Variants in DLGAP2 observed in about 807,000 individuals in gnomAD.
DLGAP2 encodes DLG associated protein 2, also known as disks large-associated protein 2.
A neutral mutation model predicts 100.3 loss-of-function variants in DLGAP2; 26 were observed. The ratio of observed to expected loss-of-function variants is 0.26; its 90% CI spans 0.19 to 0.36. The LOEUF is 0.36. Ranked by LOEUF, DLGAP2 falls within the 10% of genes least tolerant of loss-of-function variation. The pLI is 1.00. For synonymous variants in DLGAP2, 886 were observed against 630.1 expected, an observed-to-expected ratio of 1.41 and a Z score of -6.08; for missense variants, 1,858 against 1,453.2, an observed-to-expected ratio of 1.28 and a Z score of -4.53.
intron 3 of DLGAP2, among the ~76,000 whole-genome samples, chr8:1,485,245 A>G (rs1584946790): frequency 6.6e-6 from 1 of 152,090 alleles, no homozygotes; most frequent in African/African-American, 2.4e-5. Context: ...TATAATTTTG[A>G]TTAGGTTGAT....
chr8:1,213,059 C>T (rs557561666), intron 2 of DLGAP2, among the ~76,000 whole-genome samples: 6 of 152,094 alleles, frequency 3.9e-5, no homozygotes, highest in Non-Finnish European at 8.8e-5. Flanking sequence ...GGCCACAGAA[C>T]GGTGAGTATC....
intron 1 of DLGAP2, among the ~76,000 whole-genome samples, chr8:791,834 C>T (rs529650714): frequency 3.3e-5 from 5 of 152,324 alleles, no homozygotes; most frequent in East Asian, 1.9e-4. Flanking sequence ...CACGCACGCT[C>T]GCTCTCCTGT....
At chr8:975,607 T>G (rs1452915058) in intron 2 of DLGAP2, among the ~76,000 whole-genome samples, 1 of 152,204 alleles carries the variant, frequency 6.6e-6, no homozygotes, top group African/African-American at 2.4e-5. Flanking sequence ...AAAATTGTAA[T>G]CATTCACAGG....
intron 2 of DLGAP2, among the ~76,000 whole-genome samples, chr8:1,084,940 T>G (rs1219483770): frequency 6.6e-6 from 1 of 152,220 alleles, no homozygotes; most frequent in Non-Finnish European, 1.5e-5. Flanking sequence ...TGAGACACCT[T>G]CGTACTGTTC....
chr8:1,211,350 C>A (rs1563256349), intron 2 of DLGAP2, among the ~76,000 whole-genome samples: 2 of 152,192 alleles, frequency 1.3e-5, no homozygotes, highest in Non-Finnish European at 2.9e-5. Context: ...ACACCACCAG[C>A]CAACGATCTT....
chr8:1,694,612 A>G (rs983478631), intron 13 of DLGAP2, among the ~76,000 whole-genome samples: 1 of 152,116 alleles, frequency 6.6e-6, no homozygotes, highest in Non-Finnish European at 1.5e-5. Flanking sequence ...ACTTAGTCTC[A>G]TTCACACCCA....
chr8:828,485 T>C (rs954783973), intron 1 of DLGAP2, among the ~76,000 whole-genome samples: 6 of 152,196 alleles, frequency 3.9e-5, no homozygotes, highest in Non-Finnish European at 8.8e-5. Flanking sequence ...GAGTTTAAGG[T>C]TATCTCTCTT....
At chr8:1,054,444 C>G (rs1802818049) in intron 2 of DLGAP2, among the ~76,000 whole-genome samples, 1 of 152,158 alleles carries the variant, frequency 6.6e-6, no homozygotes, top group South Asian at 2.1e-4. Context: ...TACACTTCGG[C>G]TTTGTAGACG....
At chr8:1,425,105 C>A (rs1394022728) in intron 3 of DLGAP2, among the ~76,000 whole-genome samples, 1 of 152,114 alleles carries the variant, frequency 6.6e-6, no homozygotes, top group Non-Finnish European at 1.5e-5. Context: ...ATTTTGCCAA[C>A]TAAGGTAGTT....
chr8:1,282,134 CCTG>C (rs1365775122), intron 3 of DLGAP2, among the ~76,000 whole-genome samples: 1 of 149,118 alleles, frequency 6.7e-6, no homozygotes, highest in African/African-American at 2.5e-5. Flanking sequence ...CATGGTGTGA[CCTG>C]AACCCAGCGC....
At chr8:857,129 C>T (rs959045662) in intron 1 of DLGAP2, among the ~76,000 whole-genome samples, 1 of 152,212 alleles carries the variant, frequency 6.6e-6, no homozygotes, top group African/African-American at 2.4e-5. Context: ...AGAGGATGCT[C>T]TTATCAACAG....
intron 3 of DLGAP2, among the ~76,000 whole-genome samples, chr8:1,461,218 G>A (rs1364223866): frequency 7.8e-6 from 1 of 128,140 alleles, no homozygotes; most frequent in African/African-American, 2.9e-5. Context: ...TCGGTGGCCA[G>A]GAGGAGGGAG....
intron 2 of DLGAP2, among the ~76,000 whole-genome samples, chr8:1,224,838 A>T (rs1467625684): frequency 1.3e-5 from 2 of 152,260 alleles, no homozygotes; most frequent in East Asian, 3.8e-4. Flanking sequence ...TAAGATGCTT[A>T]AAACTATGAG....
chr8:1,641,325 GTGTAGCCTGCT>G, intron 8 of DLGAP2, among the ~76,000 whole-genome samples: 1 of 152,264 alleles, frequency 6.6e-6, no homozygotes, highest in South Asian at 2.1e-4. Flanking sequence ...TTCCCCAAGT[GTGTAGCCTGCT>G]CTTCCCTTCA....
intron 2 of DLGAP2, among the ~76,000 whole-genome samples, chr8:1,040,973 C>G (rs1425407101): frequency 6.6e-6 from 1 of 152,036 alleles, no homozygotes; most frequent in African/African-American, 2.4e-5. Context: ...CAGGGTGTTT[C>G]CAGAAACAAC....
chr8:788,309 A>G (rs536872431), intron 1 of DLGAP2, among the ~76,000 whole-genome samples: 11 of 152,342 alleles, frequency 7.2e-5, no homozygotes, highest in Admixed American at 5.2e-4. Flanking sequence ...AGATAGCAGC[A>G]TTCAGTCGAG....
intron 2 of DLGAP2, among the ~76,000 whole-genome samples, chr8:1,110,819 C>T (rs1211383007): frequency 1.3e-5 from 2 of 151,410 alleles, no homozygotes; most frequent in Middle Eastern, 3.4e-3. Flanking sequence ...ATTCACCCTG[C>T]ACAGCCCTGA....
At chr8:743,203 CAT>C (rs1467504137) in intron 1 of DLGAP2, among the ~76,000 whole-genome samples, 2 of 152,280 alleles carry the variant, frequency 1.3e-5, no homozygotes, top group African/African-American at 2.4e-5. Context: ...GGAAGAAACA[CAT>C]GTGATAACCA....
intron 8 of DLGAP2, among the ~76,000 whole-genome samples, chr8:1,667,528 G>A (rs4471073): frequency 0.25 from 38,317 of 152,040 alleles, 7,537 homozygotes; most frequent in African/African-American, 0.53. Flanking sequence ...AGGGAAGCAA[G>A]TAAGTTTCTG....
Sources: gnomAD v4.1 joint callset for allele counts (sites outside exome capture counted in the v4.1 genomes callset) on GRCh38, gnomAD v4.1.1 for gene constraint, MANE v1.5 for transcripts, NCBI Gene and HGNC (gene_info 2026-07-23, HGNC 2026-07-21) for gene names.